Variants in SLC25A13 observed in about 807,000 individuals in gnomAD.
The protein encoded by SLC25A13 is electrogenic aspartate/glutamate antiporter SLC25A13, mitochondrial.
In SLC25A13, 70 loss-of-function variants were observed where a neutral mutation model predicts 85.5. That is an observed-to-expected ratio of 0.82 (90% confidence interval 0.68 to 1.00). The LOEUF (loss-of-function observed/expected upper bound fraction) is 1.00. SLC25A13 is among the 50% of genes least tolerant of loss of function. The probability of loss-of-function intolerance (pLI) is 0.00; values close to 1 mark genes in which losing one functional copy is unlikely to be tolerated. For missense variants in SLC25A13, 765 were observed against 819.8 expected, an observed-to-expected ratio of 0.93 and a Z score of 0.82; for synonymous variants, 259 against 288.7, an observed-to-expected ratio of 0.90 and a Z score of 1.04.
At chr7:96,316,002 A>C (rs1285920620) in intron 1 of SLC25A13, among the ~76,000 whole-genome samples, 5 of 151,786 alleles carry the variant, frequency 3.3e-5, no homozygotes, top group African/African-American at 1.2e-4. Flanking sequence ...TGTGTGCCTG[A>C]GGTCCTAGCT....
At chr7:96,183,460 A>T (rs1178075321) in intron 11 of SLC25A13, among the ~76,000 whole-genome samples, 1 of 152,160 alleles carries the variant, frequency 6.6e-6, no homozygotes, top group Non-Finnish European at 1.5e-5. Flanking sequence ...GAGAGGAGGG[A>T]AAACTCTGCC....
chr7:96,143,657 A>G lies in SLC25A13; in HGVS notation c.1452+2899T>C, dbSNP rs578200320. Among the ~76,000 whole-genome samples the G allele has an allele frequency of 4.6e-5, 7 of 152,336 alleles. No homozygotes were observed. The South Asian group carries it at 1.5e-3, about 32-fold the overall frequency. ...GAATGCAAAATGTTTACCATTTTCC[A>G]CTTTTTTTCAGTTGCAAATGTATTT... is the stretch of plus-strand genomic sequence containing the variant. On this transcript the variant is annotated intron_variant, in intron 14 of 17. Transcript: ENST00000265631.
In SLC25A13 at chr7:96,146,583, C is replaced by T. The variant is rs761211929; in HGVS notation, c.1425G>A (p.Arg475=). ...TGTAGATCCCAAAAAACCCCAGGTC[C>T]CGCACGACAGACAGAGCACTGACTC... ...GPRVSALSVV[R]DLGFFGIYKG... Residue 475 remains arginine, a synonymous_variant, in exon 14 of 18, where the codon CGG becomes CGA. Coordinates refer to ENST00000265631, the MANE Select transcript of SLC25A13 (RefSeq NM_014251.3). The T allele has an allele frequency of 6.2e-7, 1 of 1,613,890 alleles. No homozygotes were observed. Among genetic ancestry groups the T allele is most frequent in the Non-Finnish European group, 8.5e-7 (1 of 1,179,974 alleles).
intron 11 of SLC25A13, among the ~76,000 whole-genome samples, chr7:96,175,128 GTTC>G (rs1015000226): frequency 9.2e-5 from 14 of 152,210 alleles, no homozygotes; most frequent in Non-Finnish European, 1.0e-4. Context: ...GAGAGAACCA[GTTC>G]TTCTGCCTGC....
intron 4 of SLC25A13, among the ~76,000 whole-genome samples, chr7:96,233,490 T>C (rs1304009153): frequency 1.3e-5 from 2 of 152,222 alleles, no homozygotes; most frequent in Non-Finnish European, 2.9e-5. Context: ...CATCTGATCT[T>C]CTAGAAACCG....
chr7:96,205,905 C>G (rs780434353), intron 5 of SLC25A13, among the ~76,000 whole-genome samples: 1 of 151,710 alleles, frequency 6.6e-6, no homozygotes, highest in Non-Finnish European at 1.5e-5. Context: ...TTCTAAGAAG[C>G]TCACACTTGC....
chr7:96,159,497 A>G (rs929122759), intron 13 of SLC25A13, among the ~76,000 whole-genome samples: 2 of 152,334 alleles, frequency 1.3e-5, no homozygotes, highest in African/African-American at 4.8e-5. Flanking sequence ...GAAGGCGGCC[A>G]TCTGCAAGAA....
chr7:96,215,185 G>C (rs1795843459), intron 4 of SLC25A13, among the ~76,000 whole-genome samples: 1 of 152,130 alleles, frequency 6.6e-6, no homozygotes, highest in Non-Finnish European at 1.5e-5. Context: ...TGCAACCTCT[G>C]CCTCCCAGGT....
intron 11 of SLC25A13, among the ~76,000 whole-genome samples, chr7:96,177,840 C>T (rs1331142097): frequency 6.6e-6 from 1 of 152,158 alleles, no homozygotes; most frequent in Non-Finnish European, 1.5e-5. Context: ...TGAATTCAGG[C>T]CTGCCAGTAC....
chr7:96,258,481 A>T (rs1382040370), intron 3 of SLC25A13, among the ~76,000 whole-genome samples: 1 of 152,200 alleles, frequency 6.6e-6, no homozygotes, highest in African/African-American at 2.4e-5. Context: ...CAAAAAGAAT[A>T]AAATACCTAG....
At chr7:96,145,109 T>C (rs530767354) in intron 14 of SLC25A13, among the ~76,000 whole-genome samples, 18 of 152,300 alleles carry the variant, frequency 1.2e-4, no homozygotes, top group African/African-American at 3.1e-4. Flanking sequence ...GAACATTGTG[T>C]TATATTGTAG....
At chr7:96,141,180 G>GC (rs888239824) in intron 14 of SLC25A13, among the ~76,000 whole-genome samples, 6 of 151,904 alleles carry the variant, frequency 3.9e-5, no homozygotes, top group African/African-American at 1.5e-4. Context: ...GTACCACCAT[G>GC]CCCCGCTAAC....
At chr7:96,154,349 T>C (rs906742110) in intron 13 of SLC25A13, among the ~76,000 whole-genome samples, 1 of 147,960 alleles carries the variant, frequency 6.8e-6, no homozygotes, top group Admixed American at 6.9e-5. Context: ...CAGGCTGGAG[T>C]GTAGTGACAT....
At chr7:96,180,789 TG>T (rs750037242) in intron 11 of SLC25A13, among the ~76,000 whole-genome samples, 8 of 152,254 alleles carry the variant, frequency 5.3e-5, no homozygotes, top group Non-Finnish European at 8.8e-5. Flanking sequence ...CATTTAATTA[TG>T]GATGATTACC....
chr7:96,207,656 C>A (rs1297460170), intron 5 of SLC25A13, among the ~76,000 whole-genome samples: 3 of 152,078 alleles, frequency 2.0e-5, no homozygotes, highest in Non-Finnish European at 4.4e-5. Context: ...TAGATATTGA[C>A]CTCTAGTGAC....
In SLC25A13 at chr7:96,198,477, C is replaced by T. The variant is rs146905010; in HGVS notation, c.469-5294G>A. Among the ~76,000 whole-genome samples, 29 of 152,306 alleles carry T rather than the reference C, an allele frequency of 1.9e-4. 1 individual carries two copies. In the East Asian group the frequency reaches 5.2e-3, roughly 27 times the overall value. On this transcript the variant is annotated intron_variant, in intron 5 of 17. Coordinates refer to ENST00000265631, the MANE Select transcript of SLC25A13 (RefSeq NM_014251.3). ...TTCAACACTCACTACAGACCAGGGG[C>T]TATGCCAAGAACTTCAAAGACAGCA...
chr7:96,295,046 A>T (rs958598810), intron 2 of SLC25A13, among the ~76,000 whole-genome samples: 21 of 152,162 alleles, frequency 1.4e-4, no homozygotes, highest in Non-Finnish European at 2.1e-4. Context: ...GTTACAATTT[A>T]AAAAAATGTT....
chr7:96,186,206 G>A (rs1293034575), intron 9 of SLC25A13, among the ~76,000 whole-genome samples: 1 of 152,090 alleles, frequency 6.6e-6, no homozygotes, highest in Non-Finnish European at 1.5e-5. Flanking sequence ...GAGGTGGGTG[G>A]ATCACTTGAG....
rs181594171 is a variant in SLC25A13, at chr7:96,146,305, G to A, written c.1452+251C>T. On this transcript the variant is annotated intron_variant, in intron 14 of 17. Coordinates refer to ENST00000265631, the MANE Select transcript of SLC25A13 (RefSeq NM_014251.3). ...CAGTGTTGCTGCAAAGAGCTGCACTGAACAACTCTAGAGGGCACGATTCCT... is the reference window on the plus strand; with the variant it reads ...CAGTGTTGCTGCAAAGAGCTGCACTAAACAACTCTAGAGGGCACGATTCCT... Among the ~76,000 whole-genome samples the A allele has an allele frequency of 8.5e-5, 13 of 152,168 alleles. No individual in the cohort carries two copies. The East Asian group carries it at 2.1e-3, about 25-fold the overall frequency.
Sources: allele counts gnomAD v4.1 joint callset (sites outside exome capture counted in the v4.1 genomes callset), GRCh38; gene constraint gnomAD v4.1.1; transcripts MANE v1.5; gene names NCBI Gene and HGNC (gene_info 2026-07-23, HGNC 2026-07-21).